FAM133B: variants seen among roughly 807,000 people sequenced by gnomAD.
FAM133B encodes the protein family with sequence similarity 133 member B.
Under a neutral mutation model 46.4 loss-of-function variants are expected in FAM133B, and 25 were observed. The observed-to-expected ratio is 0.54, with a 90% CI of 0.39 to 0.75. The LOEUF (loss-of-function observed/expected upper bound fraction) is 0.75. Among genes scored for constraint, FAM133B ranks in the 30% least tolerant of loss-of-function variants. The pLI is 0.00. For synonymous variants in FAM133B, 75 were observed against 86.0 expected (o/e 0.87, Z 0.71); for missense variants, 205 against 277.6 (o/e 0.74, Z 1.86).
chr7:92,578,494 CCT>C (rs1794769474), intron 3 of FAM133B, 101 bp from the exon 4 acceptor site: 2 of 993,934 alleles, frequency 2.0e-6, no homozygotes, highest in South Asian at 1.4e-5. Flanking sequence ...CCTCTTAATA[CCT>C]CTCACCCATT....
chr7:92,589,806 G>T (rs377404383), intron 1 of FAM133B: 16 of 160,998 alleles, frequency 9.9e-5, no homozygotes, highest in South Asian at 3.6e-4. Flanking sequence ...CAGGGACCGC[G>T]TCGAGGCCTC....
At chr7:92,587,770 T>C (rs985106905) in intron 1 of FAM133B, among the ~76,000 whole-genome samples, 1 of 152,040 alleles carries the variant, frequency 6.6e-6, no homozygotes, top group Non-Finnish European at 1.5e-5. Flanking sequence ...TCCAAGCCCA[T>C]AGAGAATGAA....
At position 92,578,332 on chromosome 7, in the gene FAM133B, G is replaced by C. The variant is rs775539557; in HGVS notation, c.263C>G (p.Ser88Cys). The C allele has an allele frequency of 6.2e-7, 1 of 1,613,078 alleles. No individual in the cohort carries two copies. The highest frequency in any genetic ancestry group is 8.5e-7 in the Non-Finnish European group (1 of 1,179,544). The change falls in exon 4 of 11, where the codon TCC (serine) becomes TGC (cysteine). Residue 88 changes from serine (S) to cysteine (C), a missense_variant. Physicochemically the swap from Ser to Cys is moderately radical, Grantham distance 112. Transcript: ENST00000445716. The stretch of plus-strand genomic sequence containing the variant: ...AAGTGGTATTACCTGTCTTTTTTTG[G>C]ATGAGCTCTCACTTCCACTTAACAA... ...EKLLSGSESS[S>C]KKRQRKKKEK... is the part of the protein sequence containing the mutation.
chr7:92,585,578 C>A (rs1288699119), intron 1 of FAM133B, among the ~76,000 whole-genome samples: 2 of 152,018 alleles, frequency 1.3e-5, no homozygotes, highest in African/African-American at 2.4e-5. Context: ...TTAAATATTA[C>A]GTAGCTACTA....
intron 9 of FAM133B, among the ~76,000 whole-genome samples, chr7:92,567,448 TA>T (rs1794388579): frequency 6.6e-6 from 1 of 152,048 alleles, no homozygotes; most frequent in Non-Finnish European, 1.5e-5. Context: ...GACAAATACA[TA>T]AAAATGCAAT....
At chr7:92,581,816 GTGTGTGT>G (rs1161206521) in intron 1 of FAM133B, 1 of 460,080 alleles carries the variant, frequency 2.2e-6, no homozygotes. Flanking sequence ...GTGTGTGTGT[GTGTGTGT>G]GTGTGTGTGT....
chr7:92,579,540 C>A (rs758672890), intron 2 of FAM133B, 145 bp from the exon 3 acceptor site: 33 of 611,486 alleles, frequency 5.4e-5, no homozygotes, highest in Non-Finnish European at 9.3e-5. Context: ...TTTCTTTGTT[C>A]ACGTTTATAA....
At chr7:92,587,408 A>T (rs1210302753) in intron 1 of FAM133B, among the ~76,000 whole-genome samples, 1 of 152,200 alleles carries the variant, frequency 6.6e-6, no homozygotes, top group African/African-American at 2.4e-5. Context: ...AGGAATGGCT[A>T]GGCCGAAGAG....
intron 7 of FAM133B, among the ~76,000 whole-genome samples, chr7:92,576,067 C>G (rs1264736182): frequency 3.3e-5 from 5 of 152,184 alleles, no homozygotes; most frequent in Non-Finnish European, 7.3e-5. Flanking sequence ...CTGTAATACC[C>G]ACACAGCTTA....
chr7:92,587,548 T>C (rs1222080352), intron 1 of FAM133B, among the ~76,000 whole-genome samples: 1 of 152,056 alleles, frequency 6.6e-6, no homozygotes, highest in African/African-American at 2.4e-5. Context: ...CTGGGCAGCA[T>C]GGTGAAACCC....
rs767382494 is a variant in FAM133B at position 92,590,324 on chromosome 7, G to A, written c.-33C>T. 3.3e-5 allele frequency: 54 copies of A among 1,613,596 alleles called. No individual in the cohort carries two copies. The highest frequency in any genetic ancestry group is 4.4e-5 in the Non-Finnish European group (52 of 1,179,700). ...GATCGAGCGCACAGTAGCACGCCGA[G>A]GGAAACCGGGCCGGAGAGACTGCCG... On this transcript the variant is annotated 5_prime_UTR_variant, in exon 1 of 11. Transcript: ENST00000445716.
intron 9 of FAM133B, among the ~76,000 whole-genome samples, chr7:92,566,684 C>T (rs1020347367): frequency 2.6e-5 from 4 of 152,058 alleles, no homozygotes; most frequent in African/African-American, 9.7e-5. Flanking sequence ...GAGATAGATT[C>T]CAAGGTCTGA....
At chr7:92,576,827 C>A (rs1262773759) in intron 7 of FAM133B, among the ~76,000 whole-genome samples, 1 of 152,088 alleles carries the variant, frequency 6.6e-6, no homozygotes, top group Non-Finnish European at 1.5e-5. Flanking sequence ...TCATTTTAAG[C>A]CAATGCTTTT....
chr7:92,586,012 G>C (rs1795027187), intron 1 of FAM133B, among the ~76,000 whole-genome samples: 1 of 152,112 alleles, frequency 6.6e-6, no homozygotes, highest in Non-Finnish European at 1.5e-5. Context: ...AAGTTATCTA[G>C]CATGTATCTT....
intron 8 of FAM133B, among the ~76,000 whole-genome samples, chr7:92,570,508 C>A (rs180915800): frequency 1.3e-5 from 2 of 152,112 alleles, no homozygotes; most frequent in African/African-American, 4.8e-5. Context: ...TATGACAACA[C>A]CCAAAGCAAG....
At chr7:92,584,401 A>G (rs752479613) in intron 1 of FAM133B, among the ~76,000 whole-genome samples, 6 of 152,348 alleles carry the variant, frequency 3.9e-5, no homozygotes, top group Admixed American at 6.5e-5. Flanking sequence ...ATAACAGATA[A>G]AAGTTATATA....
chr7:92,582,742 A>G (rs1300827297), intron 1 of FAM133B, among the ~76,000 whole-genome samples: 2 of 152,220 alleles, frequency 1.3e-5, no homozygotes, highest in African/African-American at 2.4e-5. Flanking sequence ...AAAAATGTTC[A>G]ATATCACTAG....
chr7:92,570,285 T>C (rs549834031), intron 8 of FAM133B, among the ~76,000 whole-genome samples: 4 of 152,118 alleles, frequency 2.6e-5, no homozygotes, highest in Non-Finnish European at 5.9e-5. Flanking sequence ...GAAAAGAAAA[T>C]AAATGGGTGA....
intron 1 of FAM133B, among the ~76,000 whole-genome samples, chr7:92,589,624 G>C (rs1167520257): frequency 6.6e-6 from 1 of 152,186 alleles, no homozygotes; most frequent in African/African-American, 2.4e-5. Flanking sequence ...TGACATTCCA[G>C]TTTTGTGTTG....
Sources: gnomAD v4.1 joint callset for allele counts (sites outside exome capture counted in the v4.1 genomes callset) on GRCh38, gnomAD v4.1.1 for gene constraint, MANE v1.5 for transcripts, NCBI Gene and HGNC (gene_info 2026-07-23, HGNC 2026-07-21) for gene names.